Variants in TAFA1 observed in about 807,000 individuals in gnomAD.
TAFA1 encodes the protein chemokine-like protein TAFA-1.
A neutral mutation model predicts 18.5 loss-of-function variants in TAFA1; 4 were observed. The ratio of observed to expected loss-of-function variants is 0.22; its 90% CI spans 0.11 to 0.49. The LOEUF (loss-of-function observed/expected upper bound fraction) is 0.49, where lower values mean the gene tolerates loss of function less well. Ranked by LOEUF, TAFA1 falls within the 20% of genes least tolerant of loss-of-function variation. TAFA1 has a pLI of 0.98. For synonymous variants in TAFA1, 56 were observed against 55.2 expected (o/e 1.01, Z -0.06); for missense variants, 147 against 169.0 (o/e 0.87, Z 0.72).
intron 2 of TAFA1, among the ~76,000 whole-genome samples, chr3:68,162,143 CCATT>C (rs1482921787): frequency 1.3e-5 from 2 of 151,992 alleles, no homozygotes; most frequent in African/African-American, 2.4e-5. Flanking sequence ...CAGAAGAGGG[CCATT>C]CAGTTTCCTA....
At chr3:68,265,648 C>T (rs939090819) in intron 2 of TAFA1, among the ~76,000 whole-genome samples, 4 of 152,136 alleles carry the variant, frequency 2.6e-5, no homozygotes, top group African/African-American at 9.7e-5. Flanking sequence ...ATGACATGAA[C>T]CAGAAAAGCA....
intron 2 of TAFA1, among the ~76,000 whole-genome samples, chr3:68,046,364 T>C (rs1705267888): frequency 6.6e-6 from 1 of 152,338 alleles, no homozygotes; most frequent in South Asian, 2.1e-4. Flanking sequence ...TCTAAATGTA[T>C]AACTATTTCA....
At chr3:68,225,856 A>G (rs1434561711) in intron 2 of TAFA1, among the ~76,000 whole-genome samples, 1 of 151,330 alleles carries the variant, frequency 6.6e-6, no homozygotes, top group African/African-American at 2.4e-5. Flanking sequence ...AGCAATAACA[A>G]TATCTCTATC....
At chr3:68,121,218 A>T (rs1018926147) in intron 2 of TAFA1, among the ~76,000 whole-genome samples, 25 of 106,590 alleles carry the variant, frequency 2.3e-4, no homozygotes, top group African/African-American at 8.9e-4. Flanking sequence ...CACAGAACAC[A>T]TTTTAATTTA....
At chr3:68,505,172 A>T (rs574559167) in intron 3 of TAFA1, among the ~76,000 whole-genome samples, 19 of 152,184 alleles carry the variant, frequency 1.2e-4, no homozygotes, top group Non-Finnish European at 2.2e-4. Context: ...GATAATAATA[A>T]GTAACTGTGG....
At chr3:68,268,602 A>ATATAT in intron 2 of TAFA1, among the ~76,000 whole-genome samples, 1 of 152,160 alleles carries the variant, frequency 6.6e-6, no homozygotes, top group African/African-American at 2.4e-5. Context: ...AGAATGGATG[A>ATATAT]ATAGTGGGTA....
chr3:68,476,396 G>A (rs2072097670), intron 3 of TAFA1, among the ~76,000 whole-genome samples: 1 of 152,188 alleles, frequency 6.6e-6, no homozygotes, highest in South Asian at 2.1e-4. Context: ...TTATGAAAGG[G>A]AAGCATGGAA....
chr3:68,336,425 T>C (rs905264278), intron 2 of TAFA1, among the ~76,000 whole-genome samples: 2 of 152,228 alleles, frequency 1.3e-5, no homozygotes, highest in Non-Finnish European at 2.9e-5. Context: ...AAGAATTATC[T>C]ATATCTTATT....
intron 3 of TAFA1, among the ~76,000 whole-genome samples, chr3:68,452,975 A>T (rs1329827449): frequency 2.0e-5 from 3 of 152,018 alleles, no homozygotes; most frequent in African/African-American, 7.2e-5. Flanking sequence ...GGGCTCATCT[A>T]CTCGCCTCTT....
At chr3:68,185,200 A>T (rs2066254912) in intron 2 of TAFA1, among the ~76,000 whole-genome samples, 1 of 152,120 alleles carries the variant, frequency 6.6e-6, no homozygotes, top group Non-Finnish European at 1.5e-5. Context: ...ATTTAAAGGG[A>T]CCCTGGAAGG....
At chr3:68,338,331 C>T (rs751351906) in intron 2 of TAFA1, among the ~76,000 whole-genome samples, 6 of 152,230 alleles carry the variant, frequency 3.9e-5, no homozygotes, top group Middle Eastern at 3.4e-3. Flanking sequence ...GTACTGAATA[C>T]GTTGCCTTGT....
At chr3:68,464,562 G>A (rs1001290175) in intron 3 of TAFA1, among the ~76,000 whole-genome samples, 2 of 152,052 alleles carry the variant, frequency 1.3e-5, no homozygotes, top group Non-Finnish European at 2.9e-5. Context: ...GAAAGGAGAC[G>A]GTGGCATGAG....
chr3:68,524,774 C>G (rs2073082068), intron 3 of TAFA1, among the ~76,000 whole-genome samples: 1 of 151,928 alleles, frequency 6.6e-6, no homozygotes, highest in Non-Finnish European at 1.5e-5. Flanking sequence ...GGGTTCACAC[C>G]ATTCTCCTGC....
At chr3:68,320,650 C>G (rs1230328056) in intron 2 of TAFA1, among the ~76,000 whole-genome samples, 1 of 152,196 alleles carries the variant, frequency 6.6e-6, no homozygotes, top group Non-Finnish European at 1.5e-5. Context: ...AGGTGGCTCC[C>G]TGTTACTGCT....
intron 2 of TAFA1, among the ~76,000 whole-genome samples, chr3:68,025,438 C>G (rs532435460): frequency 9.6e-4 from 146 of 152,256 alleles, no homozygotes; most frequent in Non-Finnish European, 1.6e-3. Flanking sequence ...ATTTTTCACA[C>G]AGCAGGCAGA....
chr3:68,349,779 A>T (rs1443967907), intron 2 of TAFA1, among the ~76,000 whole-genome samples: 1 of 152,106 alleles, frequency 6.6e-6, no homozygotes, highest in Admixed American at 6.6e-5. Context: ...AGGTGTGGCC[A>T]TTAGGTCTTA....
chr3:68,191,952 T>A (rs1007847490), intron 2 of TAFA1, among the ~76,000 whole-genome samples: 1 of 151,848 alleles, frequency 6.6e-6, no homozygotes, highest in African/African-American at 2.4e-5. Flanking sequence ...TTTCTTTGCT[T>A]CAACCATTCT....
At chr3:68,124,006 T>C (rs948290734) in intron 2 of TAFA1, among the ~76,000 whole-genome samples, 15 of 151,064 alleles carry the variant, frequency 9.9e-5, no homozygotes, top group East Asian at 4.0e-4. Flanking sequence ...GGTCAGACCA[T>C]TGGACTATGT....
At chr3:67,993,336 G>C in the TAFA1 span, among the ~76,000 whole-genome samples, 1 of 152,208 alleles carries the variant, frequency 6.6e-6, no homozygotes, top group Non-Finnish European at 1.5e-5. Flanking sequence ...GCACCTGGGT[G>C]AGTGGAGGTA....
Sources: gnomAD v4.1 joint callset for allele counts (sites outside exome capture counted in the v4.1 genomes callset) on GRCh38, gnomAD v4.1.1 for gene constraint, MANE v1.5 for transcripts, NCBI Gene and HGNC (gene_info 2026-07-23, HGNC 2026-07-21) for gene names.